Variants in SERINC5 observed in about 807,000 individuals in gnomAD.
SERINC5 encodes the protein serine incorporator 5, also known as chromosome 5 open reading frame 12.
SERINC5 carries 41 observed loss-of-function variants against 63.1 expected under a neutral mutation model. The ratio of observed to expected loss-of-function variants is 0.65; its 90% CI spans 0.51 to 0.84. The LOEUF is 0.84. Ranked by LOEUF, SERINC5 falls within the 40% of genes least tolerant of loss-of-function variation. The pLI, the probability that SERINC5 is intolerant of heterozygous loss-of-function variation, is 0.00. For missense variants in SERINC5, 523 were observed against 573.0 expected (o/e 0.91, Z 0.89); for synonymous variants, 222 against 215.2 (o/e 1.03, Z -0.28).
chr5:80,193,547 C>T (rs189563655), intron 2 of SERINC5, among the ~76,000 whole-genome samples: 1 of 152,316 alleles, frequency 6.6e-6, no homozygotes, highest in East Asian at 1.9e-4. Flanking sequence ...CCTGGTGCTC[C>T]CGCAAACGTG....
intron 2 of SERINC5, among the ~76,000 whole-genome samples, chr5:80,179,672 A>C (rs1185159669): frequency 6.6e-6 from 1 of 152,206 alleles, no homozygotes; most frequent in Non-Finnish European, 1.5e-5. Context: ...GAATATTTAC[A>C]CTATATTACT....
At chr5:80,215,733 C>T (rs1257426225) in intron 1 of SERINC5, among the ~76,000 whole-genome samples, 1 of 152,164 alleles carries the variant, frequency 6.6e-6, no homozygotes, top group Non-Finnish European at 1.5e-5. Context: ...TTATTTTCCA[C>T]GTTGAACATT....
chr5:80,158,731 C>G (rs1746693190), intron 8 of SERINC5, 105 bp downstream of exon 8: 2 of 1,072,062 alleles, frequency 1.9e-6, no homozygotes, highest in Non-Finnish European at 2.7e-6. Flanking sequence ...TATTTTCCCC[C>G]CTCCTCAAAT....
chr5:80,191,681 GA>G (rs57246426), intron 2 of SERINC5, among the ~76,000 whole-genome samples: 1,840 of 103,870 alleles, frequency 0.018, 33 homozygotes, highest in African/African-American at 0.056. Flanking sequence ...AAAAAAGAAA[GA>G]AAAAAAAAAA....
chr5:80,231,577 T>C (rs1043446754), intron 1 of SERINC5, among the ~76,000 whole-genome samples: 1 of 151,398 alleles, frequency 6.6e-6, no homozygotes, highest in Admixed American at 6.6e-5. Flanking sequence ...CCAGCCCCAG[T>C]AGGTCTAAAT....
intron 12 of SERINC5, among the ~76,000 whole-genome samples, chr5:80,113,054 T>C (rs527880859): frequency 3.3e-5 from 5 of 152,358 alleles, no homozygotes; most frequent in East Asian, 1.9e-4. Context: ...TTTGGGGCCA[T>C]TGAAGTTGTT....
At chr5:80,210,276 C>G (rs1408524652) in intron 1 of SERINC5, among the ~76,000 whole-genome samples, 1 of 152,098 alleles carries the variant, frequency 6.6e-6, no homozygotes. Flanking sequence ...CTTGCCGGGG[C>G]AAAGAATCAA....
chr5:80,192,265 A>G (rs1029688255), intron 2 of SERINC5, among the ~76,000 whole-genome samples: 1 of 152,188 alleles, frequency 6.6e-6, no homozygotes, highest in Non-Finnish European at 1.5e-5. Flanking sequence ...ACAACTGGTG[A>G]TAACTTACTC....
intron 1 of SERINC5, among the ~76,000 whole-genome samples, chr5:80,244,407 G>A (rs1752079344): frequency 6.6e-6 from 1 of 151,844 alleles, no homozygotes; most frequent in South Asian, 2.1e-4. Context: ...GTAGAGATGG[G>A]GTTTTACCAC....
At chr5:80,197,874 T>C (rs1430219800) in intron 2 of SERINC5, among the ~76,000 whole-genome samples, 2 of 152,142 alleles carry the variant, frequency 1.3e-5, no homozygotes, top group South Asian at 2.1e-4. Context: ...AGAGTGTCAC[T>C]CTGTCGCCAG....
At chr5:80,178,917 A>T (rs922027773) in intron 2 of SERINC5, among the ~76,000 whole-genome samples, 4 of 152,160 alleles carry the variant, frequency 2.6e-5, no homozygotes, top group African/African-American at 9.7e-5. Context: ...ACATACACTC[A>T]TATCATACTA....
intron 11 of SERINC5, chr5:80,116,103 C>G (rs1485769788): frequency 2.8e-6 from 1 of 356,774 alleles, no homozygotes; most frequent in African/African-American, 2.1e-5. Flanking sequence ...GGGCAGAAAG[C>G]CTCCACGTTG....
At chr5:80,244,726 G>A (rs2112599877) in intron 1 of SERINC5, among the ~76,000 whole-genome samples, 1 of 152,194 alleles carries the variant, frequency 6.6e-6, no homozygotes, top group South Asian at 2.1e-4. Context: ...GGAGGCTGAG[G>A]CAGGAGAAAC....
At chr5:80,225,072 C>A (rs371123000) in intron 1 of SERINC5, among the ~76,000 whole-genome samples, 23 of 152,000 alleles carry the variant, frequency 1.5e-4, no homozygotes, top group African/African-American at 5.6e-4. Flanking sequence ...TCCCGAGTAG[C>A]TGAGATTACA....
At chr5:80,225,768 A>G (rs1751139795) in intron 1 of SERINC5, among the ~76,000 whole-genome samples, 1 of 152,206 alleles carries the variant, frequency 6.6e-6, no homozygotes, top group South Asian at 2.1e-4. Flanking sequence ...CAGAGAACAA[A>G]GCCCTAAAGA....
At chr5:80,231,432 T>A (rs1159127845) in intron 1 of SERINC5, among the ~76,000 whole-genome samples, 2 of 152,140 alleles carry the variant, frequency 1.3e-5, no homozygotes, top group African/African-American at 4.8e-5. Flanking sequence ...TGTAACAGCA[T>A]CTACTGCAGG....
At chr5:80,238,371 A>G (rs1313698255) in intron 1 of SERINC5, among the ~76,000 whole-genome samples, 1 of 152,214 alleles carries the variant, frequency 6.6e-6, no homozygotes, top group Non-Finnish European at 1.5e-5. Context: ...GTTAAATTCT[A>G]TCATCCACGC....
chr5:80,178,536 TA>T lies in SERINC5; in HGVS notation c.196-473del, dbSNP rs1426099680. 1.1e-3 allele frequency among the ~76,000 whole-genome samples: 91 copies of T among 79,986 alleles called. 1 individual carries two copies. Among genetic ancestry groups the T allele is most frequent in the African/African-American group, 2.0e-3 (48 of 23,436 alleles). 52.5% of individuals were successfully genotyped at this position (79,986 alleles called of 152,430 possible). A position where few individuals can be genotyped will look rare whatever the true frequency, so the allele number is the denominator to read the frequency against. On this transcript the variant is annotated intron_variant, in intron 2 of 11. Coordinates refer to ENST00000507668, the MANE Select transcript of SERINC5 (RefSeq NM_001174072.3). The stretch of plus-strand genomic sequence containing the variant: ...CACCACCATGCCCAGCTAATTTTTG[TA>T]TTTTTTTTTTTTTTTTTTTTTTTGT...
rs1455613768 is a variant in SERINC5 at position 80,143,702 on chromosome 5, G to C, written c.1347C>G (p.Val449=). ...CCCGGGTGGGGCAGCAGAGGGGAGC[G>C]ACCAGCGTACACAGGTACAACAGCA... is the stretch of plus-strand genomic sequence containing the variant. ...ICVLLYLCTL[V]APLCCPTREF... Residue 449 remains valine (V), a synonymous_variant, in exon 12 of 12, where the codon GTC becomes GTG. Transcript: ENST00000507668. 4 of 1,536,098 alleles carry C rather than the reference G, an allele frequency of 2.6e-6. No homozygotes were observed. The South Asian group carries it at 3.6e-5, about 14-fold the overall frequency.
Sources: allele counts gnomAD v4.1 joint callset (sites outside exome capture counted in the v4.1 genomes callset), GRCh38; gene constraint gnomAD v4.1.1; transcripts MANE v1.5; gene names NCBI Gene and HGNC (gene_info 2026-07-23, HGNC 2026-07-21).